The following ZMIZ1 variants were observed in gnomAD, a reference collection of about 807,000 sequenced individuals.
The protein encoded by ZMIZ1 is zinc finger MIZ domain-containing protein 1.
Under a neutral mutation model 113.9 loss-of-function variants are expected in ZMIZ1, and 17 were observed. That is an observed-to-expected ratio of 0.15 (90% CI 0.10 to 0.22). ZMIZ1 has a LOEUF of 0.22. Ranked by LOEUF, ZMIZ1 falls within the 10% of genes least tolerant of loss-of-function variation. The pLI, the probability that ZMIZ1 is intolerant of heterozygous loss-of-function variation, is 1.00. For synonymous variants in ZMIZ1, 607 were observed against 603.1 expected (o/e 1.01, Z -0.09); for missense variants, 1,059 against 1,477.8 (o/e 0.72, Z 4.65).
At chr10:79,081,091 C>T (rs539427322) in intron 1 of ZMIZ1, among the ~76,000 whole-genome samples, 2 of 152,260 alleles carry the variant, frequency 1.3e-5, no homozygotes, top group South Asian at 4.1e-4. Flanking sequence ...CCCTGCCTCC[C>T]CAGCAGCTCC....
chr10:79,295,737 C>A (rs1359630175), intron 12 of ZMIZ1: 1 of 152,238 alleles, frequency 6.6e-6, no homozygotes, highest in Admixed American at 6.5e-5. Context: ...GGCACAGCCA[C>A]CAACAGGACC....
In ZMIZ1 at chr10:79,153,408, A is replaced by G. The variant is rs966480373; in HGVS notation, c.-130-8645A>G. Among the ~76,000 whole-genome samples, 5 of 152,352 alleles carry G rather than the reference A, an allele frequency of 3.3e-5. No homozygotes were observed. The East Asian group carries it at 7.7e-4, about 24-fold the overall frequency. On this transcript the variant is annotated intron_variant, in intron 3 of 24. Coordinates refer to ENST00000334512, the MANE Select transcript of ZMIZ1 (RefSeq NM_020338.4). Reference sequence around the variant, plus strand: ...GGATGGGAGGCACTTGCCTAGGTCAAGGGCTGGATTTGAACCTCACTTCTG... The same window carrying G: ...GGATGGGAGGCACTTGCCTAGGTCAGGGGCTGGATTTGAACCTCACTTCTG...
intron 3 of ZMIZ1, among the ~76,000 whole-genome samples, chr10:79,148,407 G>C (rs1011005070): frequency 6.6e-6 from 1 of 152,202 alleles, no homozygotes; most frequent in Non-Finnish European, 1.5e-5. Context: ...AGCCCACCAG[G>C]TGCCTGAGAC....
chr10:79,167,891 C>A (rs1196911587), intron 4 of ZMIZ1, among the ~76,000 whole-genome samples: 1 of 152,218 alleles, frequency 6.6e-6, no homozygotes, highest in Admixed American at 6.5e-5. Context: ...AAGGTTGTGT[C>A]CTCCTAACCA....
At chr10:79,202,399 T>A (rs569085860) in intron 5 of ZMIZ1, among the ~76,000 whole-genome samples, 1 of 151,942 alleles carries the variant, frequency 6.6e-6, no homozygotes, top group South Asian at 2.1e-4. Context: ...AAGCCAAGAA[T>A]TTGAAACCAG....
intron 3 of ZMIZ1, among the ~76,000 whole-genome samples, chr10:79,145,351 G>A (rs551983835): frequency 2.6e-5 from 4 of 152,328 alleles, no homozygotes; most frequent in African/African-American, 4.8e-5. Context: ...GAGTGCCTGC[G>A]AGGTGTGCTG....
intron 7 of ZMIZ1, among the ~76,000 whole-genome samples, chr10:79,231,398 C>G (rs117563430): frequency 0.013 from 2,047 of 152,264 alleles, 23 homozygotes; most frequent in Non-Finnish European, 0.022. Context: ...CAGGCAACCA[C>G]CACCATGGCT....
At chr10:79,291,275 C>A in intron 10 of ZMIZ1, 99 bp downstream of exon 10, 1 of 1,356,296 alleles carries the variant, frequency 7.4e-7, no homozygotes, top group Non-Finnish European at 9.8e-7. Flanking sequence ...ACGCTTTCTG[C>A]CCTGAGAAGT....
At chr10:79,265,463 CTTTTCTTT>C (rs1339443219) in intron 7 of ZMIZ1, among the ~76,000 whole-genome samples, 2 of 131,732 alleles carry the variant, frequency 1.5e-5, no homozygotes, top group African/African-American at 3.2e-5. Context: ...CCTTTTTTTT[CTTTTCTTT>C]TTTTTTTTTT....
At chr10:79,245,733 C>T (rs1352781752) in intron 7 of ZMIZ1, among the ~76,000 whole-genome samples, 2 of 152,210 alleles carry the variant, frequency 1.3e-5, no homozygotes, top group Non-Finnish European at 2.9e-5. Context: ...AGTGACTGAG[C>T]TGGGTCTAAG....
At position 79,296,560 on chromosome 10, in the gene ZMIZ1, C is replaced by A. The variant is rs1234748858; in HGVS notation, c.1320C>A (p.Leu440=). The A allele has an allele frequency of 6.2e-7, 1 of 1,613,088 alleles. No individual in the cohort carries two copies. The highest frequency in any genetic ancestry group is 1.1e-5 in the South Asian group (1 of 91,034). ...QYPAPNPPRP[L]TSPNYPGQRM... ...CAGCCCCCAACCCCCCGAGGCCACT[C>A]ACCTCCCCCAACTACCCAGGACAGA... is the stretch of plus-strand genomic sequence containing the variant. The change falls in exon 13 of 25, where the codon CTC becomes CTA. Residue 440 remains leucine, a synonymous_variant. Coordinates refer to ENST00000334512, the MANE Select transcript of ZMIZ1 (RefSeq NM_020338.4). This position sits in a 1 kb window ranked among gnomAD's most constrained non-coding sequence, Gnocchi z 4.1.
At chr10:79,186,317 A>AT (rs1405763761) in intron 4 of ZMIZ1, among the ~76,000 whole-genome samples, 3 of 152,222 alleles carry the variant, frequency 2.0e-5, no homozygotes, top group Non-Finnish European at 4.4e-5. Flanking sequence ...TTTTAAACAA[A>AT]TTCTCTTCCT....
At chr10:79,100,438 A>T in intron 1 of ZMIZ1, among the ~76,000 whole-genome samples, 1 of 135,400 alleles carries the variant, frequency 7.4e-6, no homozygotes, top group Admixed American at 7.3e-5. Flanking sequence ...ACCATCTCTG[A>T]AAAAAAAAAA....
At chr10:79,115,520 C>A (rs1843981405) in intron 1 of ZMIZ1, among the ~76,000 whole-genome samples, 1 of 152,156 alleles carries the variant, frequency 6.6e-6, no homozygotes, top group Admixed American at 6.5e-5. Flanking sequence ...CAGTGGAGAC[C>A]CTGAGGAAGG....
chr10:79,311,266 G>T, intron 24 of ZMIZ1, 82 bp downstream of exon 24: 1 of 1,366,468 alleles, frequency 7.3e-7, no homozygotes, highest in Non-Finnish European at 9.7e-7. Context: ...GGGTGTGAGG[G>T]CTCGAGGCCC....
chr10:79,296,873 G>A lies in ZMIZ1; in HGVS notation c.1413+220G>A. On this transcript the variant is annotated intron_variant, in intron 13 of 24. Transcript: ENST00000334512. The surrounding 1 kb of genome is among the most constrained non-coding windows in gnomAD (Gnocchi z 4.1). ...CTATTCTCATTCGTCTCGGATGATG[G>A]TTTTTTTTTCTCCTTTTCTTATTCA... is the stretch of plus-strand genomic sequence containing the variant. 1 of 398,848 alleles carries A rather than the reference G, an allele frequency of 2.5e-6. No homozygotes were observed. The highest frequency in any genetic ancestry group is 4.4e-6 in the Non-Finnish European group (1 of 226,002). 24.7% of individuals were successfully genotyped at this position (398,848 alleles called of 1,614,324 possible).
intron 2 of ZMIZ1, among the ~76,000 whole-genome samples, chr10:79,120,680 A>G (rs1844252860): frequency 6.6e-6 from 1 of 150,402 alleles, no homozygotes; most frequent in Non-Finnish European, 1.5e-5. Context: ...TAGATTGCCG[A>G]GAGCAATTTT....
rs71482719 is a variant in ZMIZ1, at chr10:79,197,611, T to TACACACACACACACAC, written c.-49-3956_-49-3941dup. Among the ~76,000 whole-genome samples, 77 of 90,062 alleles carry TACACACACACACACAC rather than the reference T, an allele frequency of 8.5e-4. 1 individual carries two copies. The highest frequency in any genetic ancestry group is 2.1e-3 in the African/African-American group (59 of 28,394). The allele number at this position is 90,062 out of a possible 152,430, so 59.1% of individuals were successfully genotyped here. A position where few individuals can be genotyped will look rare whatever the true frequency, so the allele number is the denominator to read the frequency against. ...CCCAGACCATACACACACACACACA[T>TACACACACACACACAC]ACACACACACACACACACACACACA... On this transcript the variant is annotated intron_variant, in intron 4 of 24. Transcript: ENST00000334512.
chr10:79,205,676 C>T (rs1195802340), intron 5 of ZMIZ1, among the ~76,000 whole-genome samples: 1 of 152,178 alleles, frequency 6.6e-6, no homozygotes, highest in Admixed American at 6.5e-5. Context: ...CTGCATGGCT[C>T]AGCAGCTGAG....
Sources: allele counts gnomAD v4.1 joint callset (sites outside exome capture counted in the v4.1 genomes callset), GRCh38; gene constraint gnomAD v4.1.1; non-coding constraint Gnocchi (gnomAD v3.1); transcripts MANE v1.5; gene names NCBI Gene and HGNC (gene_info 2026-07-23, HGNC 2026-07-21).